EPOR: variants seen among roughly 807,000 people sequenced by gnomAD.
EPOR encodes the protein erythropoietin receptor.
A neutral mutation model predicts 34.3 loss-of-function variants in EPOR; 20 were observed. The ratio of observed to expected loss-of-function variants is 0.58; its 90% CI spans 0.41 to 0.85. EPOR has a LOEUF of 0.85. Ranked by LOEUF, EPOR falls within the 40% of genes least tolerant of loss-of-function variation. The pLI is 0.00. For synonymous variants in EPOR, 312 were observed against 299.0 expected (o/e 1.04, Z -0.45); for missense variants, 601 against 672.7 (o/e 0.89, Z 1.18).
chr19:11,379,970 G>A (rs897569286), intron 6 of EPOR, among the ~76,000 whole-genome samples: 2 of 152,164 alleles, frequency 1.3e-5, no homozygotes, highest in African/African-American at 4.8e-5. Flanking sequence ...CAAAGTGCTG[G>A]GATTACAGGC....
Position 11,383,951 on chromosome 19 carries a change from G to A in EPOR, c.115+142C>T. 1.5e-6 allele frequency: 1 copy of A among 670,480 alleles called. No individual in the cohort carries two copies. The highest frequency in any genetic ancestry group is 1.6e-5 in the South Asian group (1 of 64,186). 41.5% of individuals were successfully genotyped at this position (670,480 alleles called of 1,614,324 possible). On this transcript the variant is annotated intron_variant, in intron 1 of 7. Coordinates refer to ENST00000222139, the MANE Select transcript of EPOR (RefSeq NM_000121.4). The surrounding 1 kb of genome is among the most constrained non-coding windows in gnomAD (Gnocchi z 4.9). Reference sequence around the variant, plus strand: ...CCACCCATCCAGGACCCAGTCTAAGGGTTCAGATGCCAGCTTGGCCCCCAG... The same window carrying A: ...CCACCCATCCAGGACCCAGTCTAAGAGTTCAGATGCCAGCTTGGCCCCCAG...
At chr19:11,382,236 C>T in intron 2 of EPOR, 131 bp from the exon 3 acceptor site, 2 of 765,142 alleles carry the variant, frequency 2.6e-6, no homozygotes, top group Non-Finnish European at 4.2e-6. Flanking sequence ...GGTGTTCCTT[C>T]GTCGCCCAGG....
At position 11,383,522 on chromosome 19, in the gene EPOR, A is replaced by G. The variant is rs1264338991; in HGVS notation, c.116-290T>C. 1 of 356,832 alleles carries G rather than the reference A, an allele frequency of 2.8e-6. No homozygotes were observed. Among genetic ancestry groups the G allele is most frequent in the East Asian group, 5.1e-5 (1 of 19,732 alleles). The allele number at this position is 356,832 out of a possible 1,614,324, so 22.1% of individuals were successfully genotyped here. On this transcript the variant is annotated intron_variant, in intron 1 of 7. Coordinates refer to ENST00000222139, the MANE Select transcript of EPOR (RefSeq NM_000121.4). This position sits in a 1 kb window ranked among gnomAD's most constrained non-coding sequence, Gnocchi z 4.9. The stretch of plus-strand genomic sequence containing the variant: ...TCAAGACCTCGAGCTCGGGACTGCC[A>G]GCCCCGCCCCAGCCTAGGACACGCG...
chr19:11,382,725 C>G (rs1968379808), intron 2 of EPOR: 1 of 918,406 alleles, frequency 1.1e-6, no homozygotes, highest in African/African-American at 1.7e-5. Flanking sequence ...AACTCCTGGG[C>G]TCAAGCGGTT....
intron 2 of EPOR, chr19:11,382,783 T>C: frequency 7.6e-7 from 1 of 1,323,074 alleles, no homozygotes; most frequent in Non-Finnish European, 9.8e-7. Flanking sequence ...CATGAGCCAC[T>C]GCTGGCCTCC....
rs542452128 is a variant in EPOR at position 11,383,686 on chromosome 19, C to G, written c.115+407G>C. Among the ~76,000 whole-genome samples the G allele has an allele frequency of 1.3e-5, 2 of 152,194 alleles. No individual in the cohort carries two copies. The highest frequency in any genetic ancestry group is 4.2e-4 in the South Asian group (2 of 4,816). Reference sequence around the variant, plus strand: ...AGTGATCTGGCGCCCTCACACAAACCGTGTTTACAGTAGCCTGTGGCTTGG... The same window carrying G: ...AGTGATCTGGCGCCCTCACACAAACGGTGTTTACAGTAGCCTGTGGCTTGG... On this transcript the variant is annotated intron_variant, in intron 1 of 7. Transcript: ENST00000222139. The surrounding 1 kb of genome is among the most constrained non-coding windows in gnomAD (Gnocchi z 4.9).
chr19:11,381,342 A>G lies in EPOR; in HGVS notation c.586-133T>C, dbSNP rs1318756622. On this transcript the variant is annotated intron_variant, in intron 4 of 7. Coordinates refer to ENST00000222139, the MANE Select transcript of EPOR (RefSeq NM_000121.4). The surrounding 1 kb of genome is among the most constrained non-coding windows in gnomAD (Gnocchi z 5.3). ...GAATTGCAATGGGACCAATAAGAGT[A>G]GGGGGAGGAGCCCAAGAAAGCTCAG... 1 of 987,886 alleles carries G rather than the reference A, an allele frequency of 1.0e-6. No individual in the cohort carries two copies. Among genetic ancestry groups the G allele is most frequent in the Admixed American group, 2.1e-5 (1 of 48,388 alleles). The allele number at this position is 987,886 out of a possible 1,614,324, so 61.2% of individuals were successfully genotyped here. A position where few individuals can be genotyped will look rare whatever the true frequency, so the allele number is the denominator to read the frequency against.
At chr19:11,380,505 A>C (rs1344246797) in intron 6 of EPOR, among the ~76,000 whole-genome samples, 1 of 152,250 alleles carries the variant, frequency 6.6e-6, no homozygotes, top group Non-Finnish European at 1.5e-5. Context: ...CAAATACCTC[A>C]GAACGGCTAG....
chr19:11,380,901 C>T lies in EPOR; in HGVS notation c.810G>A (p.Ala270=), dbSNP rs1397127705. ...GAGCTCACCGGCGGTGGGAGAGCAG[C>T]GCGAGCACGGTCAGCAGCACCAGGA... ...VVILVLLTVL[A]LLSHRRALKQ... The change falls in exon 6 of 8, where the codon GCG becomes GCA. Residue 270 remains alanine, a synonymous_variant. Transcript: ENST00000222139. The T allele has an allele frequency of 1.6e-5, 25 of 1,551,580 alleles. No individual in the cohort carries two copies. The highest frequency in any genetic ancestry group is 2.7e-5 in the African/African-American group (2 of 73,054).
intron 2 of EPOR, chr19:11,382,707 TG>T: frequency 1.5e-6 from 1 of 686,876 alleles, no homozygotes; most frequent in Non-Finnish European, 2.1e-6. Flanking sequence ...TTGCCCAGGC[TG>T]GTCTTGAACT....
Position 11,377,735 on chromosome 19 carries a change from G to T in EPOR, c.*249C>A. The T allele has an allele frequency of 1.5e-6, 1 of 646,226 alleles. No individual in the cohort carries two copies. The highest frequency in any genetic ancestry group is 2.8e-6 in the Non-Finnish European group (1 of 353,300). 40.0% of individuals were successfully genotyped at this position (646,226 alleles called of 1,614,324 possible). ...CCCAGGGGAAGATGGGACTTAAAGG[G>T]TGTTTGTAGAAATCATGGTAGAAAA... On this transcript the variant is annotated 3_prime_UTR_variant, in exon 8 of 8. Coordinates refer to ENST00000222139, the MANE Select transcript of EPOR (RefSeq NM_000121.4).
Position 11,383,960 on chromosome 19 carries a change from G to A in EPOR, c.115+133C>T. On this transcript the variant is annotated intron_variant, in intron 1 of 7. Coordinates refer to ENST00000222139, the MANE Select transcript of EPOR (RefSeq NM_000121.4). This position sits in a 1 kb window ranked among gnomAD's most constrained non-coding sequence, Gnocchi z 4.9. ...CAGGACCCAGTCTAAGGGTTCAGAT[G>A]CCAGCTTGGCCCCCAGGACCCGGTC... 1.4e-6 allele frequency: 1 copy of A among 690,128 alleles called. No individual in the cohort carries two copies. Among genetic ancestry groups the A allele is most frequent in the Non-Finnish European group, 2.6e-6 (1 of 385,902 alleles). The allele number at this position is 690,128 out of a possible 1,614,324, so 42.8% of individuals were successfully genotyped here.
Position 11,381,682 on chromosome 19 carries a change from C to T in EPOR, c.585+10G>A, listed in dbSNP as rs1568329539. 6.3e-7 allele frequency: 1 copy of T among 1,599,704 alleles called. No homozygotes were observed. Among genetic ancestry groups the T allele is most frequent in the African/African-American group, 1.3e-5 (1 of 74,542 alleles). Reference sequence around the variant, plus strand: ...AGCTTTGGGGGCTGGGCCGTAGGGGCTGGCCTCACCCTCTGTACGCTCCCT... The same window carrying T: ...AGCTTTGGGGGCTGGGCCGTAGGGGTTGGCCTCACCCTCTGTACGCTCCCT... On this transcript the variant is annotated intron_variant, in intron 4 of 7. Transcript: ENST00000222139. This position sits in a 1 kb window ranked among gnomAD's most constrained non-coding sequence, Gnocchi z 5.3.
Position 11,382,361 on chromosome 19 carries a change from C to CT in EPOR, c.252-257dup, listed in dbSNP as rs869111819. Reference sequence around the variant, plus strand: ...GACCACAGGCACGCGCCACGCCTGGCTTTTTTTTTTTTTTTTTTTGAGACG... The same window carrying CT: ...GACCACAGGCACGCGCCACGCCTGGCTTTTTTTTTTTTTTTTTTTTGAGACG... On this transcript the variant is annotated intron_variant, in intron 2 of 7. Transcript: ENST00000222139. Among the ~76,000 whole-genome samples the CT allele has an allele frequency of 0.041, 5,127 of 124,838 alleles. 245 individuals are homozygous for CT. Among genetic ancestry groups the CT allele is most frequent in the African/African-American group, 0.086 (2,725 of 31,730 alleles). The allele number at this position is 124,838 out of a possible 152,430, so 81.9% of individuals were successfully genotyped here.
chr19:11,382,795 T>C lies in EPOR; in HGVS notation c.251+302A>G, dbSNP rs971488383. 6.6e-6 allele frequency: 9 copies of C among 1,358,492 alleles called. No individual in the cohort carries two copies. The Admixed American group carries it at 1.9e-4, about 29-fold the overall frequency. The allele number at this position is 1,358,492 out of a possible 1,614,324, so 84.2% of individuals were successfully genotyped here. A position where few individuals can be genotyped will look rare whatever the true frequency, so the allele number is the denominator to read the frequency against. Reference sequence around the variant, plus strand: ...AGGCATGAGCCACTGCTGGCCTCCTTTTGGATACTACCTCGAGAAGGCGTC... The same window carrying C: ...AGGCATGAGCCACTGCTGGCCTCCTCTTGGATACTACCTCGAGAAGGCGTC... On this transcript the variant is annotated intron_variant, in intron 2 of 7. Coordinates refer to ENST00000222139, the MANE Select transcript of EPOR (RefSeq NM_000121.4).
At position 11,381,318 on chromosome 19, in the gene EPOR, A is replaced by C. The variant is rs1050446053; in HGVS notation, c.586-109T>G. The C allele has an allele frequency of 4.9e-6, 6 of 1,223,674 alleles. No homozygotes were observed. The highest frequency in any genetic ancestry group is 5.3e-4 in the Middle Eastern group (2 of 3,740). The allele number at this position is 1,223,674 out of a possible 1,614,324, so 75.8% of individuals were successfully genotyped here. A position where few individuals can be genotyped will look rare whatever the true frequency, so the allele number is the denominator to read the frequency against. On this transcript the variant is annotated intron_variant, in intron 4 of 7. Transcript: ENST00000222139. The surrounding 1 kb of genome is among the most constrained non-coding windows in gnomAD (Gnocchi z 5.3). ...AGGGGAAAGGAAAACGGTGCCCTAG[A>C]ATTGCAATGGGACCAATAAGAGTAG...
At position 11,381,313 on chromosome 19, in the gene EPOR, C is replaced by G; in HGVS notation, c.586-104G>C. The G allele has an allele frequency of 7.7e-7, 1 of 1,297,418 alleles. No homozygotes were observed. Among genetic ancestry groups the G allele is most frequent in the Non-Finnish European group, 1.1e-6 (1 of 925,846 alleles). The allele number at this position is 1,297,418 out of a possible 1,614,324, so 80.4% of individuals were successfully genotyped here. On this transcript the variant is annotated intron_variant, in intron 4 of 7. Transcript: ENST00000222139. The surrounding 1 kb of genome is among the most constrained non-coding windows in gnomAD (Gnocchi z 5.3). ...CAATCAGGGGAAAGGAAAACGGTGC[C>G]CTAGAATTGCAATGGGACCAATAAG... is the stretch of plus-strand genomic sequence containing the variant.
chr19:11,378,087 C>A lies in EPOR; in HGVS notation c.1424G>T (p.Gly475Val). The change falls in exon 8 of 8, where the codon GGA becomes GTA. Residue 475 changes from glycine (G) to valine (V), a missense_variant. Transcript: ENST00000222139. This position sits in a 1 kb window ranked among gnomAD's most constrained non-coding sequence, Gnocchi z 5.3. ...GCCATCGGATAAGCCCCCTTGGGCT[C>A]CCTGGGAGTCCCCTGAGCTGTAGTC... ...STDYSSGDSQ[G>V]AQGGLSDGPY... is the part of the protein sequence containing the mutation. The A allele has an allele frequency of 1.9e-6, 3 of 1,613,908 alleles. No individual in the cohort carries two copies. Among genetic ancestry groups the A allele is most frequent in the Non-Finnish European group, 2.5e-6 (3 of 1,179,846 alleles).
chr19:11,379,789 C>T (rs1223599528), intron 6 of EPOR, among the ~76,000 whole-genome samples: 2 of 152,090 alleles, frequency 1.3e-5, no homozygotes, highest in South Asian at 2.1e-4. Flanking sequence ...GCAACCTCCA[C>T]CTCCCAGGTT....
Sources: gnomAD v4.1 joint callset for allele counts (sites outside exome capture counted in the v4.1 genomes callset) on GRCh38, gnomAD v4.1.1 for gene constraint, Gnocchi (gnomAD v3.1) non-coding constraint, MANE v1.5 for transcripts, NCBI Gene and HGNC (gene_info 2026-07-23, HGNC 2026-07-21) for gene names.